Variants in DSCAML1 observed in about 807,000 individuals in gnomAD.
The protein encoded by DSCAML1 is DS cell adhesion molecule like 1, also known as cell adhesion molecule DSCAML1.
Under a neutral mutation model 200.5 loss-of-function variants are expected in DSCAML1, and 38 were observed. The ratio of observed to expected loss-of-function variants is 0.19; its 90% CI spans 0.15 to 0.25. The LOEUF is 0.25. Among genes scored for constraint, DSCAML1 ranks in the 10% least tolerant of loss-of-function variants. The pLI is 1.00. For synonymous variants in DSCAML1, 1,215 were observed against 1,165.0 expected, an observed-to-expected ratio of 1.04 and a Z score of -0.87; for missense variants, 2,223 against 2,858.8, an observed-to-expected ratio of 0.78 and a Z score of 5.07.
Position 117,437,759 on chromosome 11 carries a change from C to T in DSCAML1, c.4432+136G>A, listed in dbSNP as rs540909787. The T allele has an allele frequency of 2.0e-6, 2 of 997,240 alleles. No individual in the cohort carries two copies. Among genetic ancestry groups the T allele is most frequent in the Admixed American group, 2.9e-5 (1 of 34,242 alleles). 61.8% of individuals were successfully genotyped at this position (997,240 alleles called of 1,614,324 possible). ...TGTGGTGACGGGAAGGAGGCTGAGG[C>T]TCCTCCCTTCAGTCTCCCTGCATCC... On this transcript the variant is annotated intron_variant, in intron 25 of 32. Transcript: ENST00000651296. This position sits in a 1 kb window ranked among gnomAD's most constrained non-coding sequence, Gnocchi z 5.3.
chr11:117,626,199 ACC>A (rs758854447), intron 3 of DSCAML1, among the ~76,000 whole-genome samples: 22 of 129,800 alleles, frequency 1.7e-4, no homozygotes, highest in Admixed American at 9.9e-4. Flanking sequence ...TCTTGCTGAG[ACC>A]CCCCCCCCTC....
intron 3 of DSCAML1, among the ~76,000 whole-genome samples, chr11:117,769,212 T>A (rs1264623385): frequency 0.016 from 324 of 19,924 alleles, 3 homozygotes; most frequent in Admixed American, 0.042. Flanking sequence ...TATTATATAT[T>A]TTATATATAT....
intron 3 of DSCAML1, among the ~76,000 whole-genome samples, chr11:117,535,540 T>G (rs1165265438): frequency 6.6e-6 from 1 of 152,208 alleles, no homozygotes; most frequent in Non-Finnish European, 1.5e-5. Flanking sequence ...CGCCAAGCCC[T>G]GCAGCTGGCT....
intron 3 of DSCAML1, among the ~76,000 whole-genome samples, chr11:117,589,548 A>G (rs1425273572): frequency 6.6e-6 from 1 of 152,202 alleles, no homozygotes; most frequent in African/African-American, 2.4e-5. Flanking sequence ...GCGTCTTCGT[A>G]TGCACCAGGG....
chr11:117,549,293 T>C (rs1034283468), intron 3 of DSCAML1, among the ~76,000 whole-genome samples: 1 of 152,186 alleles, frequency 6.6e-6, no homozygotes, highest in Non-Finnish European at 1.5e-5. Context: ...GCCTGGCACT[T>C]GGTAAAGGCC....
At chr11:117,751,395 CTTT>C (rs368589239) in intron 3 of DSCAML1, among the ~76,000 whole-genome samples, 2 of 142,556 alleles carry the variant, frequency 1.4e-5, no homozygotes, top group South Asian at 2.3e-4. Flanking sequence ...CACCTTTTTT[CTTT>C]TTTTTTTTTT....
chr11:117,459,007 G>A (rs1767057134), intron 18 of DSCAML1, 98 bp from the exon 19 acceptor site: 1 of 1,473,940 alleles, frequency 6.8e-7, no homozygotes, highest in Non-Finnish European at 9.2e-7. Flanking sequence ...CTACTGCACA[G>A]GCTCAGCCCT....
intron 3 of DSCAML1, among the ~76,000 whole-genome samples, chr11:117,600,048 G>A (rs1434137430): frequency 2.6e-5 from 4 of 152,198 alleles, no homozygotes; most frequent in Non-Finnish European, 4.4e-5. Flanking sequence ...AAACACTGGG[G>A]ATAACAGCCA....
intron 3 of DSCAML1, among the ~76,000 whole-genome samples, chr11:117,671,809 T>C (rs1387550183): frequency 6.6e-6 from 1 of 151,894 alleles, no homozygotes; most frequent in African/African-American, 2.4e-5. Context: ...ATTGCAGGTG[T>C]TTAGGGTAAA....
chr11:117,667,991 C>G (rs1349761135), intron 3 of DSCAML1, among the ~76,000 whole-genome samples: 2 of 152,200 alleles, frequency 1.3e-5, no homozygotes, highest in African/African-American at 4.8e-5. Flanking sequence ...ACTCTGAGAA[C>G]AATATAACAG....
intron 3 of DSCAML1, among the ~76,000 whole-genome samples, chr11:117,652,149 C>G (rs1368707613): frequency 6.6e-6 from 1 of 152,210 alleles, no homozygotes; most frequent in Non-Finnish European, 1.5e-5. Context: ...TCCTGGATGC[C>G]TTCTAGTAGG....
At chr11:117,668,855 T>A (rs1432471007) in intron 3 of DSCAML1, 1 of 152,130 alleles carries the variant, frequency 6.6e-6, no homozygotes, top group African/African-American at 2.4e-5. Context: ...AATGAACCCA[T>A]TCAGGCTAGC....
At position 117,437,859 on chromosome 11, in the gene DSCAML1, A is replaced by G; in HGVS notation, c.4432+36T>C. The G allele has an allele frequency of 2.6e-6, 4 of 1,532,356 alleles. No individual in the cohort carries two copies. Among genetic ancestry groups the G allele is most frequent in the South Asian group, 1.2e-5 (1 of 83,698 alleles). The allele number at this position is 1,532,356 out of a possible 1,614,324, so 94.9% of individuals were successfully genotyped here. A position where few individuals can be genotyped will look rare whatever the true frequency, so the allele number is the denominator to read the frequency against. On this transcript the variant is annotated intron_variant, in intron 25 of 32. Transcript: ENST00000651296. This position sits in a 1 kb window ranked among gnomAD's most constrained non-coding sequence, Gnocchi z 5.3. ...CCTCTAGCCCACCCTCCCTGGGCCC[A>G]TCGCTCCTTCCCTGCCCCAGTGGCC...
Position 117,505,391 on chromosome 11 carries a change from A to G in DSCAML1, c.2062+63T>C, listed in dbSNP as rs2049474301. 2 of 1,568,330 alleles carry G rather than the reference A, an allele frequency of 1.3e-6. No homozygotes were observed. Among genetic ancestry groups the G allele is most frequent in the Non-Finnish European group, 8.6e-7 (1 of 1,159,530 alleles). On this transcript the variant is annotated intron_variant, in intron 9 of 32. Coordinates refer to ENST00000651296, the MANE Select transcript of DSCAML1 (RefSeq NM_020693.4). The surrounding 1 kb of genome is among the most constrained non-coding windows in gnomAD (Gnocchi z 6.7). Reference sequence around the variant, plus strand: ...CGTGATTGGAACTGGAAATCTAGAGACTGCAGTAGCAGCAGGCAGAATGGG... The same window carrying G: ...CGTGATTGGAACTGGAAATCTAGAGGCTGCAGTAGCAGCAGGCAGAATGGG...
intron 3 of DSCAML1, among the ~76,000 whole-genome samples, chr11:117,660,234 G>A (rs2098728808): frequency 6.6e-6 from 1 of 152,172 alleles, no homozygotes; most frequent in African/African-American, 2.4e-5. Context: ...CTCCAGGTGG[G>A]GAGAAGAAAA....
chr11:117,814,084 TTC>T (rs1356249007), intron 1 of DSCAML1, among the ~76,000 whole-genome samples: 3 of 152,082 alleles, frequency 2.0e-5, no homozygotes, highest in Non-Finnish European at 4.4e-5. Flanking sequence ...CCCTGTGAAT[TTC>T]CTTCTCCTGG....
rs115910756 is a variant in DSCAML1, at chr11:117,669,760, G to A, written c.511+107031C>T. ...ATGGAGCCAAATGTGAAGCATGGGG[G>A]AAGGGCTTTCCAGCTGAAGGAACAT... On this transcript the variant is annotated intron_variant, in intron 3 of 32. Transcript: ENST00000651296. 1.9e-3 allele frequency among the ~76,000 whole-genome samples: 288 copies of A among 152,360 alleles called. 2 individuals are homozygous for A. The highest frequency in any genetic ancestry group is 6.5e-3 in the African/African-American group (269 of 41,588).
At chr11:117,744,941 C>A (rs558514748) in intron 3 of DSCAML1, among the ~76,000 whole-genome samples, 1 of 152,348 alleles carries the variant, frequency 6.6e-6, no homozygotes, top group African/African-American at 2.4e-5. Context: ...GCGGGCCAAC[C>A]CAGAGGACGT....
intron 1 of DSCAML1, among the ~76,000 whole-genome samples, chr11:117,794,595 AT>A (rs1253469439): frequency 2.0e-5 from 3 of 152,016 alleles, no homozygotes; most frequent in Admixed American, 6.5e-5. Context: ...GGACGTACAA[AT>A]TATTGCAAGA....
Sources: allele counts gnomAD v4.1 joint callset (sites outside exome capture counted in the v4.1 genomes callset), GRCh38; gene constraint gnomAD v4.1.1; non-coding constraint Gnocchi (gnomAD v3.1); transcripts MANE v1.5; gene names NCBI Gene and HGNC (gene_info 2026-07-23, HGNC 2026-07-21).